The following RALGAPA2 variants were observed in gnomAD, a reference collection of about 807,000 sequenced individuals.
The protein encoded by RALGAPA2 is Ral GTPase activating protein catalytic subunit alpha 2.
Under a neutral mutation model 230.4 loss-of-function variants are expected in RALGAPA2, and 139 were observed. The observed-to-expected ratio is 0.60, with a 90% CI of 0.53 to 0.69. The LOEUF (loss-of-function observed/expected upper bound fraction) is 0.69. Among genes scored for constraint, RALGAPA2 ranks in the 30% least tolerant of loss-of-function variants. RALGAPA2 has a pLI of 0.00. For missense variants in RALGAPA2, 2,163 were observed against 2,276.0 expected (o/e 0.95, Z 1.01); for synonymous variants, 847 against 837.8 (o/e 1.01, Z -0.19).
intron 36 of RALGAPA2, among the ~76,000 whole-genome samples, chr20:20,489,363 G>C (rs1452078606): frequency 6.6e-6 from 1 of 152,146 alleles, no homozygotes; most frequent in Non-Finnish European, 1.5e-5. Context: ...CATAGTCTAA[G>C]ATCATTCGTG....
intron 6 of RALGAPA2, among the ~76,000 whole-genome samples, chr20:20,640,433 T>C (rs1033752005): frequency 6.6e-6 from 1 of 152,256 alleles, no homozygotes; most frequent in African/African-American, 2.4e-5. Flanking sequence ...ACTTCCCATG[T>C]GTCTCTACTT....
At chr20:20,618,687 C>T (rs2066227770) in intron 12 of RALGAPA2, among the ~76,000 whole-genome samples, 1 of 152,312 alleles carries the variant, frequency 6.6e-6, no homozygotes, top group South Asian at 2.1e-4. Flanking sequence ...TTTTCACTTA[C>T]TCTTCAAGCT....
chr20:20,505,639 C>T (rs2062511332), intron 33 of RALGAPA2, 105 bp from the exon 34 acceptor site: 13 of 989,608 alleles, frequency 1.3e-5, no homozygotes, highest in South Asian at 3.7e-5. Flanking sequence ...CTTACATTTA[C>T]TGAGAACCTG....
In RALGAPA2 at chr20:20,712,274, C is replaced by CA; in HGVS notation, c.106+100_106+101insT. 2.1e-6 allele frequency: 2 copies of CA among 972,156 alleles called. No individual in the cohort carries two copies. 60.2% of individuals were successfully genotyped at this position (972,156 alleles called of 1,614,324 possible). ...GGGGGTCGGACGCCCACCCATCCCC[C>CA]TCCCCAGCCTCCCAGCCACCGACCC... On this transcript the variant is annotated intron_variant, in intron 1 of 39. Transcript: ENST00000202677. This position sits in a 1 kb window ranked among gnomAD's most constrained non-coding sequence, Gnocchi z 5.5.
chr20:20,511,861 A>G (rs2062713381), intron 32 of RALGAPA2, among the ~76,000 whole-genome samples: 1 of 152,196 alleles, frequency 6.6e-6, no homozygotes, highest in Admixed American at 6.5e-5. Flanking sequence ...TTCCTGCATG[A>G]GGGCAGAAAC....
chr20:20,536,870 A>G, intron 24 of RALGAPA2, 86 bp from the exon 25 acceptor site: 1 of 1,402,780 alleles, frequency 7.1e-7, no homozygotes, highest in Non-Finnish European at 9.5e-7. Flanking sequence ...TCTTCATCCT[A>G]GATAAAAAAT....
chr20:20,650,189 T>C (rs1046050291), intron 4 of RALGAPA2, among the ~76,000 whole-genome samples: 5 of 152,164 alleles, frequency 3.3e-5, no homozygotes, highest in African/African-American at 1.2e-4. Flanking sequence ...ATTCAACGAT[T>C]TAAAGCAAGG....
At chr20:20,623,957 G>A (rs1169518745) in intron 10 of RALGAPA2, among the ~76,000 whole-genome samples, 1 of 152,102 alleles carries the variant, frequency 6.6e-6, no homozygotes, top group Non-Finnish European at 1.5e-5. Context: ...GTCTAGAAAA[G>A]TTTTGACTCA....
intron 39 of RALGAPA2, among the ~76,000 whole-genome samples, chr20:20,393,760 T>C (rs1307590584): frequency 1.3e-5 from 2 of 152,220 alleles, no homozygotes; most frequent in African/African-American, 2.4e-5. Flanking sequence ...ATTGCTTGTC[T>C]GAATGAGTCC....
chr20:20,614,347 A>G (rs1052391299), intron 13 of RALGAPA2, among the ~76,000 whole-genome samples: 1 of 152,220 alleles, frequency 6.6e-6, no homozygotes, highest in African/African-American at 2.4e-5. Context: ...AAAGATTATC[A>G]AAAATATCAA....
chr20:20,565,974 G>A (rs1191865803), intron 23 of RALGAPA2, among the ~76,000 whole-genome samples: 1 of 152,142 alleles, frequency 6.6e-6, no homozygotes, highest in Admixed American at 6.5e-5. Context: ...GAAGTGCCAG[G>A]GAACCAATCA....
At position 20,586,948 on chromosome 20, in the gene RALGAPA2, T is replaced by C. The variant is rs138186135; in HGVS notation, c.2440-1993A>G. On this transcript the variant is annotated intron_variant, in intron 18 of 39. Coordinates refer to ENST00000202677, the MANE Select transcript of RALGAPA2 (RefSeq NM_020343.4). ...TGTGTTCTTTTTTTTAAAACCCCAG[T>C]GTCCCATGTAACAGGTGGAGATACC... is the stretch of plus-strand genomic sequence containing the variant. 7.2e-3 allele frequency among the ~76,000 whole-genome samples: 1,094 copies of C among 152,088 alleles called. 10 individuals carry two copies. The highest frequency in any genetic ancestry group is 0.025 in the African/African-American group (1,050 of 41,494).
chr20:20,582,195 T>TGG (rs1298768969), intron 20 of RALGAPA2, among the ~76,000 whole-genome samples: 1 of 151,824 alleles, frequency 6.6e-6, no homozygotes, highest in Non-Finnish European at 1.5e-5. Context: ...TGTGTGTGTG[T>TGG]GTCTGTGTGT....
At chr20:20,545,379 T>C (rs1408784127) in intron 24 of RALGAPA2, among the ~76,000 whole-genome samples, 1 of 152,166 alleles carries the variant, frequency 6.6e-6, no homozygotes, top group Non-Finnish European at 1.5e-5. Flanking sequence ...TTCTTCTCTT[T>C]TACCTTTCTT....
intron 5 of RALGAPA2, among the ~76,000 whole-genome samples, chr20:20,641,238 TA>T (rs1444239604): frequency 6.6e-6 from 1 of 152,188 alleles, no homozygotes; most frequent in Non-Finnish European, 1.5e-5. Context: ...GTAAACCAAA[TA>T]ACACAATGGC....
At chr20:20,430,309 G>T (rs2060475347) in intron 37 of RALGAPA2, among the ~76,000 whole-genome samples, 2 of 152,248 alleles carry the variant, frequency 1.3e-5, no homozygotes, top group South Asian at 4.1e-4. Flanking sequence ...CTGGATCTCA[G>T]TGCCACTCAA....
chr20:20,406,993 A>T (rs2059959943), intron 38 of RALGAPA2, among the ~76,000 whole-genome samples: 1 of 152,188 alleles, frequency 6.6e-6, no homozygotes, highest in African/African-American at 2.4e-5. Context: ...TACGGCTCTG[A>T]TTATGGGATT....
Position 20,390,603 on chromosome 20 carries a change from C to T in RALGAPA2, c.*2686G>A, listed in dbSNP as rs918036032. The T allele has an allele frequency of 1.3e-5, 2 of 152,014 alleles. No homozygotes were observed. Among genetic ancestry groups the T allele is most frequent in the East Asian group, 3.9e-4 (2 of 5,192 alleles). 9.4% of individuals were successfully genotyped at this position (152,014 alleles called of 1,614,324 possible). The stretch of plus-strand genomic sequence containing the variant: ...CCACCGTGATGAGTCAGCGCTGTGC[C>T]TCAGGTGGGGCCCTAGTGGATGAAT... On this transcript the variant is annotated 3_prime_UTR_variant, in exon 40 of 40. Coordinates refer to ENST00000202677, the MANE Select transcript of RALGAPA2 (RefSeq NM_020343.4).
At chr20:20,575,582 C>A (rs2064793926) in intron 20 of RALGAPA2, among the ~76,000 whole-genome samples, 1 of 152,074 alleles carries the variant, frequency 6.6e-6, no homozygotes, top group African/African-American at 2.4e-5. Flanking sequence ...AAGCAGTGGC[C>A]AGTGGCAACA....
Sources: gnomAD v4.1 joint callset for allele counts (sites outside exome capture counted in the v4.1 genomes callset) on GRCh38, gnomAD v4.1.1 for gene constraint, Gnocchi (gnomAD v3.1) non-coding constraint, MANE v1.5 for transcripts, NCBI Gene and HGNC (gene_info 2026-07-23, HGNC 2026-07-21) for gene names.